The following PLPPR4 variants were observed in gnomAD, a reference collection of about 807,000 sequenced individuals.
The protein encoded by PLPPR4 is phospholipid phosphatase related 4, also known as phospholipid phosphatase-related protein type 4.
A neutral mutation model predicts 56.6 loss-of-function variants in PLPPR4; 24 were observed. That is an observed-to-expected ratio of 0.42 (90% confidence interval 0.31 to 0.60). The LOEUF is 0.60. PLPPR4 is among the 20% of genes least tolerant of loss of function. The pLI, the probability that PLPPR4 is intolerant of heterozygous loss-of-function variation, is 0.13. For missense variants in PLPPR4, 654 were observed against 885.8 expected, an observed-to-expected ratio of 0.74 and a Z score of 3.32; for synonymous variants, 326 against 328.1, an observed-to-expected ratio of 0.99 and a Z score of 0.07.
At chr1:99,278,968 T>C (rs1320726185) in intron 1 of PLPPR4, among the ~76,000 whole-genome samples, 3 of 152,192 alleles carry the variant, frequency 2.0e-5, no homozygotes, top group African/African-American at 7.2e-5. Flanking sequence ...ATTAGAGTTC[T>C]AGAAATTCAA....
upstream of PLPPR4, among the ~76,000 whole-genome samples, chr1:99,263,448 C>T (rs951779779): frequency 1.3e-5 from 2 of 151,910 alleles, no homozygotes; most frequent in African/African-American, 4.8e-5. Context: ...GGAGGAGCAA[C>T]TAAAAAAGGG....
At chr1:99,267,212 G>A (rs1658922034) in intron 1 of PLPPR4, among the ~76,000 whole-genome samples, 1 of 152,162 alleles carries the variant, frequency 6.6e-6, no homozygotes, top group African/African-American at 2.4e-5. Flanking sequence ...CTTTTTTCAA[G>A]GAGTTTAGAA....
In PLPPR4 at chr1:99,309,580, C is replaced by G. The variant is rs1660132560; in HGVS notation, c.*2570C>G. The G allele has an allele frequency of 6.6e-6, 1 of 152,430 alleles. No homozygotes were observed. The highest frequency in any genetic ancestry group is 6.6e-5 in the Admixed American group (1 of 15,264). 9.4% of individuals were successfully genotyped at this position (152,430 alleles called of 1,614,324 possible). On this transcript the variant is annotated 3_prime_UTR_variant, in exon 7 of 7. Coordinates refer to ENST00000370185, the MANE Select transcript of PLPPR4 (RefSeq NM_014839.5). Reference sequence around the variant, plus strand: ...AGAAATAAAGATTAGATTTCTTCATCAAAATTGGAATAGTTTGGTTTTTAC... The same window carrying G: ...AGAAATAAAGATTAGATTTCTTCATGAAAATTGGAATAGTTTGGTTTTTAC...
chr1:99,292,551 C>T (rs578055267), intron 2 of PLPPR4, among the ~76,000 whole-genome samples: 5 of 152,262 alleles, frequency 3.3e-5, no homozygotes, highest in Non-Finnish European at 7.3e-5. Flanking sequence ...CATGCCTCTT[C>T]GTGGAAGGAA....
At chr1:99,282,093 C>G (rs979009513) in intron 1 of PLPPR4, among the ~76,000 whole-genome samples, 1 of 152,094 alleles carries the variant, frequency 6.6e-6, no homozygotes, top group Non-Finnish European at 1.5e-5. Context: ...TCCAAATTGA[C>G]CTCTTACTTT....
At position 99,308,085 on chromosome 1, in the gene PLPPR4, T is replaced by A. The variant is rs1210723038; in HGVS notation, c.*1075T>A. 6.6e-6 allele frequency: 1 copy of A among 152,214 alleles called. No individual in the cohort carries two copies. The highest frequency in any genetic ancestry group is 1.5e-5 in the Non-Finnish European group (1 of 68,040). 9.4% of individuals were successfully genotyped at this position (152,214 alleles called of 1,614,324 possible). A position where few individuals can be genotyped will look rare whatever the true frequency, so the allele number is the denominator to read the frequency against. On this transcript the variant is annotated 3_prime_UTR_variant, in exon 7 of 7. Transcript: ENST00000370185. ...TTGCCCTTAGATGTCTACAACTAGC[T>A]GGCATAGGTTGCCATCTTAACAAGT...
At chr1:99,282,840 T>C (rs2100793957) in intron 1 of PLPPR4, among the ~76,000 whole-genome samples, 2 of 151,672 alleles carry the variant, frequency 1.3e-5, no homozygotes, top group South Asian at 4.2e-4. Context: ...CCTACTCAAA[T>C]AGGTCTTCCT....
At chr1:99,283,974 A>C (rs1659401799) in intron 1 of PLPPR4, among the ~76,000 whole-genome samples, 1 of 152,110 alleles carries the variant, frequency 6.6e-6, no homozygotes, top group Admixed American at 6.5e-5. Context: ...AACAAAACAA[A>C]AAAAGCTTGG....
intron 1 of PLPPR4, among the ~76,000 whole-genome samples, chr1:99,266,488 T>G (rs533645002): frequency 1.3e-5 from 2 of 152,242 alleles, no homozygotes; most frequent in Non-Finnish European, 2.9e-5. Context: ...ATTTTAAAAG[T>G]ACAAGTGCCT....
At chr1:99,288,172 G>A (rs779014636) in intron 2 of PLPPR4, 22 bp downstream of exon 2, 2 of 1,607,790 alleles carry the variant, frequency 1.2e-6, no homozygotes, top group East Asian at 2.2e-5. Flanking sequence ...CCCCAAAATT[G>A]TGTTTATCTG....
intron 1 of PLPPR4, among the ~76,000 whole-genome samples, chr1:99,281,327 T>C (rs1659320022): frequency 6.6e-6 from 1 of 152,166 alleles, no homozygotes. Flanking sequence ...TCTATTCATG[T>C]CATACAAGCC....
intron 1 of PLPPR4, among the ~76,000 whole-genome samples, chr1:99,265,775 C>T (rs1658879019): frequency 6.6e-6 from 1 of 152,096 alleles, no homozygotes; most frequent in Non-Finnish European, 1.5e-5. Context: ...GCTTATCTGT[C>T]CTGAGGAATA....
In PLPPR4 at chr1:99,306,065, C is replaced by A; in HGVS notation, c.1203C>A (p.Thr401=). 2 of 1,614,048 alleles carry A rather than the reference C, an allele frequency of 1.2e-6. No individual in the cohort carries two copies. Among genetic ancestry groups the A allele is most frequent in the Non-Finnish European group, 1.7e-6 (2 of 1,180,012 alleles). Reference sequence around the variant, plus strand: ...CCGCTCGATCAAAGCAGCTCCTCACCCAGTGGAAGAATAAGAATGAAAGTC... The same window carrying A: ...CCGCTCGATCAAAGCAGCTCCTCACACAGTGGAAGAATAAGAATGAAAGTC... ...MDSARSKQLL[T]QWKNKNESRK... Residue 401 remains threonine, a synonymous_variant, in exon 7 of 7, where the codon ACC becomes ACA. Transcript: ENST00000370185. This position sits in a 1 kb window ranked among gnomAD's most constrained non-coding sequence, Gnocchi z 4.0.
intron 1 of PLPPR4, among the ~76,000 whole-genome samples, chr1:99,279,539 G>C (rs750675653): frequency 1.3e-5 from 2 of 152,198 alleles, no homozygotes; most frequent in Non-Finnish European, 2.9e-5. Context: ...ATTTGAAAGT[G>C]CCTGCCACCC....
chr1:99,292,617 C>T (rs911340322), intron 2 of PLPPR4, among the ~76,000 whole-genome samples: 1 of 152,174 alleles, frequency 6.6e-6, no homozygotes, highest in African/African-American at 2.4e-5. Flanking sequence ...TATATCACTT[C>T]AGGATACTCC....
intron 1 of PLPPR4, among the ~76,000 whole-genome samples, chr1:99,281,353 A>AT (rs1300916021): frequency 6.6e-6 from 1 of 152,186 alleles, no homozygotes; most frequent in Non-Finnish European, 1.5e-5. Flanking sequence ...TGTTTTATGT[A>AT]TAAAAACCAG....
At chr1:99,305,261 T>C (rs1659992270) in intron 6 of PLPPR4, among the ~76,000 whole-genome samples, 1 of 152,222 alleles carries the variant, frequency 6.6e-6, no homozygotes, top group South Asian at 2.1e-4. Context: ...ACACTTCTTC[T>C]ACTTTCCATC....
At chr1:99,300,126 C>T (rs1420095789) in intron 4 of PLPPR4, among the ~76,000 whole-genome samples, 1 of 151,926 alleles carries the variant, frequency 6.6e-6, no homozygotes, top group Non-Finnish European at 1.5e-5. Context: ...ATTTTTTTCT[C>T]AGTCCTATTA....
intron 1 of PLPPR4, among the ~76,000 whole-genome samples, chr1:99,279,379 G>GTAA (rs1659268571): frequency 6.6e-6 from 1 of 152,112 alleles, no homozygotes; most frequent in Non-Finnish European, 1.5e-5. Context: ...CACTAGGGAA[G>GTAA]ACAAAAGTGA....
Sources: allele counts gnomAD v4.1 joint callset (sites outside exome capture counted in the v4.1 genomes callset), GRCh38; gene constraint gnomAD v4.1.1; non-coding constraint Gnocchi (gnomAD v3.1); transcripts MANE v1.5; gene names NCBI Gene and HGNC (gene_info 2026-07-23, HGNC 2026-07-21).